FAM131C: variants seen among roughly 807,000 people sequenced by gnomAD.
FAM131C encodes the protein family with sequence similarity 131 member C.
In FAM131C, 14 loss-of-function variants were observed where a neutral mutation model predicts 29.8. The observed-to-expected ratio is 0.47, with a 90% CI of 0.31 to 0.73. The LOEUF (loss-of-function observed/expected upper bound fraction) is 0.73, where lower values mean the gene tolerates loss of function less well. Among genes scored for constraint, FAM131C ranks in the 30% least tolerant of loss-of-function variants. The pLI, the probability that FAM131C is intolerant of heterozygous loss-of-function variation, is 0.05. For synonymous variants in FAM131C, 86 were observed against 157.8 expected, an observed-to-expected ratio of 0.54 and a Z score of 3.41; for missense variants, 252 against 383.8, an observed-to-expected ratio of 0.66 and a Z score of 2.87.
chr1:16,072,766 G>T (rs1261243463), intron 1 of FAM131C, among the ~76,000 whole-genome samples: 2 of 152,138 alleles, frequency 1.3e-5, no homozygotes, highest in African/African-American at 4.8e-5. Flanking sequence ...GGTACCACGT[G>T]GGGGAGAGTG....
rs1487499272 is a variant in FAM131C, at chr1:16,058,307, G to A, written c.*130C>T. On this transcript the variant is annotated 3_prime_UTR_variant, in exon 7 of 7. Coordinates refer to ENST00000375662, the MANE Select transcript of FAM131C (RefSeq NM_182623.3). ...CATGAGCACTGGCCCCATCCCTGCC[G>A]CACCTACCCTGTGCCTACCCGAGGG... 1.7e-5 allele frequency: 17 copies of A among 985,968 alleles called. No individual in the cohort carries two copies. The highest frequency in any genetic ancestry group is 2.4e-5 in the Non-Finnish European group (17 of 705,096). The allele number at this position is 985,968 out of a possible 1,614,324, so 61.1% of individuals were successfully genotyped here.
Position 16,063,696 on chromosome 1 carries a change from C to T in FAM131C, c.23-60G>A, listed in dbSNP as rs905792685. On this transcript the variant is annotated intron_variant, in intron 1 of 6. Transcript: ENST00000375662. ...GCCCAGCCCTCTCTTGCTTACAAAG[C>T]ATGTTCAAGGCCCCCCCGTAAGGTG... 62 of 1,192,030 alleles carry T rather than the reference C, an allele frequency of 5.2e-5. No individual in the cohort carries two copies. The Middle Eastern group carries it at 5.9e-4, about 11-fold the overall frequency. The allele number at this position is 1,192,030 out of a possible 1,614,324, so 73.8% of individuals were successfully genotyped here.
chr1:16,059,597 G>A lies in FAM131C; in HGVS notation c.459C>T (p.Ala153=), dbSNP rs1210250232. The part of the protein sequence containing the change: ...LREARFAAGV[A]EQFAITEATL... ...TGGCCTCTGTGATGGCAAACTGCTC[G>A]GCGACCCCTGGGGGAACAGCGAGAT... Residue 153 remains alanine (A), a synonymous_variant, in exon 6 of 7, where the codon GCC becomes GCT. Coordinates refer to ENST00000375662, the MANE Select transcript of FAM131C (RefSeq NM_182623.3). The A allele has an allele frequency of 8.1e-6, 13 of 1,596,302 alleles. No homozygotes were observed. Among genetic ancestry groups the A allele is most frequent in the African/African-American group, 5.4e-5 (4 of 74,142 alleles).
intron 1 of FAM131C, among the ~76,000 whole-genome samples, chr1:16,070,824 G>T (rs1157273440): frequency 6.6e-6 from 1 of 152,174 alleles, no homozygotes; most frequent in Non-Finnish European, 1.5e-5. Flanking sequence ...CACACACAAG[G>T]TCAAGTCACT....
In FAM131C at chr1:16,060,023, G is replaced by A; in HGVS notation, c.297C>T (p.Ile99=). The A allele has an allele frequency of 6.6e-7, 1 of 1,508,744 alleles. No individual in the cohort carries two copies. Among genetic ancestry groups the A allele is most frequent in the Non-Finnish European group, 9.0e-7 (1 of 1,112,756 alleles). 93.5% of individuals were successfully genotyped at this position (1,508,744 alleles called of 1,614,324 possible). The part of the protein sequence containing the change: ...VGVVQSIKDH[I]TKPTAMARGR... Reference sequence around the variant, plus strand: ...CTCGGGCCATGGCCGTGGGCTTTGTGATGTGGTCCTTGATGCTCTGCACCA... The same window carrying A: ...CTCGGGCCATGGCCGTGGGCTTTGTAATGTGGTCCTTGATGCTCTGCACCA... Residue 99 remains isoleucine (I), a synonymous_variant, in exon 5 of 7, where the codon ATC becomes ATT. Coordinates refer to ENST00000375662, the MANE Select transcript of FAM131C (RefSeq NM_182623.3).
chr1:16,073,181 T>C (rs2023774966), intron 1 of FAM131C, among the ~76,000 whole-genome samples: 1 of 152,030 alleles, frequency 6.6e-6, no homozygotes, highest in African/African-American at 2.4e-5. Context: ...CCCTGCTTCG[T>C]GTCACCTGCG....
At position 16,058,345 on chromosome 1, in the gene FAM131C, C is replaced by T; in HGVS notation, c.*92G>A. On this transcript the variant is annotated 3_prime_UTR_variant, in exon 7 of 7. Transcript: ENST00000375662. The stretch of plus-strand genomic sequence containing the variant: ...GCCTACCCGAGGGGTCAAGGGATGC[C>T]CTGCCCTGGACCCCGGGGTCCAGAT... 1.5e-6 allele frequency: 2 copies of T among 1,336,552 alleles called. No homozygotes were observed. The highest frequency in any genetic ancestry group is 9.9e-7 in the Non-Finnish European group (1 of 1,007,926). The allele number at this position is 1,336,552 out of a possible 1,614,324, so 82.8% of individuals were successfully genotyped here. A position where few individuals can be genotyped will look rare whatever the true frequency, so the allele number is the denominator to read the frequency against.
At position 16,062,156 on chromosome 1, in the gene FAM131C, A is replaced by T. The variant is rs764644960; in HGVS notation, c.211T>A (p.Ser71Thr). ...FQTTNGYLSD[S>T]RSRPGNYNVA... ...TTGTAGTTGCCGGGGCGGGATCTGG[A>T]GTCGGACAGGTAGCCGTTGGTGGTC... Residue 71 changes from serine to threonine, a missense_variant, in exon 4 of 7, where the codon TCC (serine) becomes ACC (threonine). Ser to Thr is a moderately conservative substitution (Grantham distance 58). This residue lies in a region of FAM131C where 52 missense variants were observed against 105.9 expected (regional missense o/e 0.49). Transcript: ENST00000375662. 11 of 1,611,572 alleles carry T rather than the reference A, an allele frequency of 6.8e-6. No homozygotes were observed. Among genetic ancestry groups the T allele is most frequent in the Non-Finnish European group, 9.3e-6 (11 of 1,179,506 alleles).
chr1:16,060,982 T>C (rs2023584544), intron 4 of FAM131C, among the ~76,000 whole-genome samples: 1 of 151,878 alleles, frequency 6.6e-6, no homozygotes, highest in Admixed American at 6.6e-5. Context: ...GGAGTAGAGC[T>C]GTTGTATGCG....
intron 3 of FAM131C, 43 bp from the exon 4 acceptor site, chr1:16,062,235 G>T (rs375523333): frequency 4.3e-5 from 69 of 1,586,358 alleles, no homozygotes; most frequent in African/African-American, 3.0e-4. Context: ...GGGCCAGGCT[G>T]CCGGCCGACA....
chr1:16,069,467 C>T (rs1357614906), intron 1 of FAM131C, among the ~76,000 whole-genome samples: 1 of 152,174 alleles, frequency 6.6e-6, no homozygotes, highest in Non-Finnish European at 1.5e-5. Flanking sequence ...AATTCTCGGT[C>T]TCTAATTTCT....
intron 6 of FAM131C, among the ~76,000 whole-genome samples, 187 bp from the exon 7 acceptor site, chr1:16,058,904 C>T (rs187428525): frequency 6.1e-3 from 929 of 152,084 alleles, no homozygotes; most frequent in African/African-American, 0.02. Flanking sequence ...AGGCAGTAAA[C>T]GGAGGAGTTA....
chr1:16,071,107 T>C (rs1461471717), intron 1 of FAM131C, among the ~76,000 whole-genome samples: 1 of 152,250 alleles, frequency 6.6e-6, no homozygotes, highest in Non-Finnish European at 1.5e-5. Flanking sequence ...TAGCAGTGCC[T>C]ACCTGGCCTA....
intron 1 of FAM131C, among the ~76,000 whole-genome samples, chr1:16,068,403 C>G (rs1047636858): frequency 6.6e-6 from 1 of 152,242 alleles, no homozygotes; most frequent in Non-Finnish European, 1.5e-5. Flanking sequence ...CGCTCCACCC[C>G]TCTCCCCTCA....
chr1:16,072,490 C>T (rs1185373721), intron 1 of FAM131C, among the ~76,000 whole-genome samples: 2 of 152,180 alleles, frequency 1.3e-5, no homozygotes, highest in African/African-American at 4.8e-5. Context: ...GCCACCCCCA[C>T]TCCCAGTCAC....
chr1:16,071,820 G>T (rs571461796), intron 1 of FAM131C, among the ~76,000 whole-genome samples: 5 of 152,186 alleles, frequency 3.3e-5, no homozygotes, highest in African/African-American at 4.8e-5. Context: ...CTTAGCAGGC[G>T]TCTCTTCCTC....
intron 1 of FAM131C, among the ~76,000 whole-genome samples, chr1:16,072,231 T>A (rs72887137): frequency 8.3e-4 from 126 of 152,278 alleles, no homozygotes; most frequent in African/African-American, 3.0e-3. Flanking sequence ...ACCCTGTACC[T>A]TCCCCTTCCC....
chr1:16,070,113 T>C (rs1213568639), intron 1 of FAM131C, among the ~76,000 whole-genome samples: 1 of 152,128 alleles, frequency 6.6e-6, no homozygotes, highest in Non-Finnish European at 1.5e-5. Flanking sequence ...ACTCAGGCTC[T>C]GGGGTCACAT....
At chr1:16,062,357 A>AC in intron 3 of FAM131C, 142 bp downstream of exon 3, 1 of 1,296,688 alleles carries the variant, frequency 7.7e-7, no homozygotes. Context: ...CCACGGGACA[A>AC]CCCCCACCCA....
Sources: gnomAD v4.1 joint callset for allele counts (sites outside exome capture counted in the v4.1 genomes callset) on GRCh38, gnomAD v4.1.1 for gene constraint, gnomAD v4.1.1 regional missense constraint, MANE v1.5 for transcripts, NCBI Gene and HGNC (gene_info 2026-07-23, HGNC 2026-07-21) for gene names.